Variants in RNF220 observed in about 807,000 individuals in gnomAD.
RNF220 encodes ring finger protein 220, also known as E3 ubiquitin-protein ligase RNF220.
In RNF220, 7 loss-of-function variants were observed where a neutral mutation model predicts 67.1. That is an observed-to-expected ratio of 0.10 (90% confidence interval 0.06 to 0.20). The LOEUF (loss-of-function observed/expected upper bound fraction) is 0.20, where lower values mean the gene tolerates loss of function less well. Ranked by LOEUF, RNF220 falls within the 10% of genes least tolerant of loss-of-function variation. The pLI is 1.00. For synonymous variants in RNF220, 270 were observed against 283.2 expected, an observed-to-expected ratio of 0.95 and a Z score of 0.47; for missense variants, 565 against 740.3, an observed-to-expected ratio of 0.76 and a Z score of 2.75.
In RNF220 at chr1:44,600,231, A is replaced by G. The variant is rs1666826973; in HGVS notation, c.626-13934A>G. On this transcript the variant is annotated intron_variant, in intron 2 of 14. Coordinates refer to ENST00000361799, the MANE Select transcript of RNF220 (RefSeq NM_018150.4). The surrounding 1 kb of genome is among the most constrained non-coding windows in gnomAD (Gnocchi z 4.0). ...CAGACATGTTGAGCTTAAAGAGCCTATGGGACATCCAAGCAGAGCATCTTC... is the reference window on the plus strand; with the variant it reads ...CAGACATGTTGAGCTTAAAGAGCCTGTGGGACATCCAAGCAGAGCATCTTC... 6.6e-6 allele frequency among the ~76,000 whole-genome samples: 1 copy of G among 152,220 alleles called. No individual in the cohort carries two copies. The highest frequency in any genetic ancestry group is 1.5e-5 in the Non-Finnish European group (1 of 68,036).
intron 2 of RNF220, among the ~76,000 whole-genome samples, chr1:44,497,541 G>A (rs954835374): frequency 3.9e-5 from 6 of 152,112 alleles, no homozygotes; most frequent in Non-Finnish European, 7.4e-5. Context: ...CCTTTCATCC[G>A]CCTGTGGGTG....
At chr1:44,532,820 T>A (rs1660932010) in intron 2 of RNF220, among the ~76,000 whole-genome samples, 1 of 152,152 alleles carries the variant, frequency 6.6e-6, no homozygotes, top group African/African-American at 2.4e-5. Context: ...CTCCTGCAAA[T>A]GGGAACAGCT....
At chr1:44,602,353 G>C (rs984607738) in intron 2 of RNF220, among the ~76,000 whole-genome samples, 6 of 152,128 alleles carry the variant, frequency 3.9e-5, no homozygotes, top group African/African-American at 7.2e-5. Context: ...GGCCTGAGGA[G>C]CATGGAGTTG....
intron 2 of RNF220, among the ~76,000 whole-genome samples, chr1:44,582,613 T>C (rs1276976891): frequency 6.7e-6 from 1 of 149,124 alleles, no homozygotes; most frequent in Admixed American, 6.7e-5. Flanking sequence ...AAAAATTAGC[T>C]GGGCGTGGTG....
chr1:44,578,144 C>CTTTTTT (rs749348924), intron 2 of RNF220, among the ~76,000 whole-genome samples: 20 of 117,152 alleles, frequency 1.7e-4, no homozygotes, highest in South Asian at 3.0e-4. Flanking sequence ...TCTTTCTTTC[C>CTTTTTT]TTTTTTTTTT....
chr1:44,532,986 C>T (rs1660943095), intron 2 of RNF220, among the ~76,000 whole-genome samples: 1 of 152,216 alleles, frequency 6.6e-6, no homozygotes. Context: ...GTCCCTGGAC[C>T]TGGTCAGTCC....
intron 2 of RNF220, among the ~76,000 whole-genome samples, chr1:44,443,898 C>T (rs1359748684): frequency 2.6e-5 from 4 of 152,178 alleles, no homozygotes; most frequent in Admixed American, 2.0e-4. Flanking sequence ...CGAGACCAGC[C>T]TGTCCAACAT....
At chr1:44,614,045 T>C (rs1643434836) in intron 2 of RNF220, 120 bp from the exon 3 acceptor site, 2 of 1,357,218 alleles carry the variant, frequency 1.5e-6, no homozygotes, top group Non-Finnish European at 2.0e-6. Flanking sequence ...CTCAGGCCCC[T>C]CCTCTAGGCC....
At chr1:44,614,099 G>A (rs1643437856) in intron 2 of RNF220, 66 bp from the exon 3 acceptor site, 2 of 1,599,458 alleles carry the variant, frequency 1.3e-6, no homozygotes, top group African/African-American at 1.3e-5. Flanking sequence ...TTCAGGACTG[G>A]GATGCTGGGT....
chr1:44,531,883 T>C (rs1298003624), intron 2 of RNF220, among the ~76,000 whole-genome samples: 2 of 152,224 alleles, frequency 1.3e-5, no homozygotes, highest in African/African-American at 4.8e-5. Flanking sequence ...GCTTTAACTT[T>C]CACCAACTGT....
intron 1 of RNF220, among the ~76,000 whole-genome samples, chr1:44,409,678 C>T (rs1647774053): frequency 6.6e-6 from 1 of 152,326 alleles, no homozygotes; most frequent in African/African-American, 2.4e-5. Context: ...TTCACAGTCA[C>T]CCAAATGCTC....
intron 2 of RNF220, among the ~76,000 whole-genome samples, chr1:44,423,195 G>A (rs985701297): frequency 1.3e-5 from 2 of 152,184 alleles, no homozygotes; most frequent in African/African-American, 2.4e-5. Context: ...TGACCTTTAC[G>A]CTGATATCTG....
At position 44,649,609 on chromosome 1, in the gene RNF220, G is replaced by A. The variant is rs2148519015; in HGVS notation, c.1446-52G>A. Reference sequence around the variant, plus strand: ...AATTCAAGGGAGGCGTAGGCTGGAGGTACAGATGAGAGATGCCAGCCTGCT... The same window carrying A: ...AATTCAAGGGAGGCGTAGGCTGGAGATACAGATGAGAGATGCCAGCCTGCT... On this transcript the variant is annotated intron_variant, in intron 12 of 14. Transcript: ENST00000361799. The surrounding 1 kb of genome is among the most constrained non-coding windows in gnomAD (Gnocchi z 5.9). The A allele has an allele frequency of 6.5e-7, 1 of 1,526,756 alleles. No individual in the cohort carries two copies. Among genetic ancestry groups the A allele is most frequent in the South Asian group, 1.1e-5 (1 of 89,172 alleles). 94.6% of individuals were successfully genotyped at this position (1,526,756 alleles called of 1,614,324 possible). A position where few individuals can be genotyped will look rare whatever the true frequency, so the allele number is the denominator to read the frequency against.
At chr1:44,610,654 C>T (rs1643255048) in intron 2 of RNF220, among the ~76,000 whole-genome samples, 1 of 152,204 alleles carries the variant, frequency 6.6e-6, no homozygotes, top group Non-Finnish European at 1.5e-5. Flanking sequence ...TGACAGCCTG[C>T]CTCTGGTGGG....
intron 12 of RNF220, among the ~76,000 whole-genome samples, chr1:44,647,578 G>C (rs942960061): frequency 6.6e-6 from 1 of 152,168 alleles, no homozygotes; most frequent in African/African-American, 2.4e-5. Flanking sequence ...TGGACCCTAG[G>C]GTGATGGATT....
rs112175148 is a variant in RNF220, at chr1:44,572,794, C to T, written c.626-41371C>T. Among the ~76,000 whole-genome samples, 398 of 152,238 alleles carry T rather than the reference C, an allele frequency of 2.6e-3. 1 individual carries two copies. The highest frequency in any genetic ancestry group is 9.1e-3 in the African/African-American group (380 of 41,548). On this transcript the variant is annotated intron_variant, in intron 2 of 14. Transcript: ENST00000361799. ...TTCAGGTCATGCTTGTGTCTCTTCTCTTCAATACCAAGTAACCTTTATTGT... is the reference window on the plus strand; with the variant it reads ...TTCAGGTCATGCTTGTGTCTCTTCTTTTCAATACCAAGTAACCTTTATTGT...
chr1:44,572,850 C>A (rs1015899504), intron 2 of RNF220, among the ~76,000 whole-genome samples: 1 of 152,160 alleles, frequency 6.6e-6, no homozygotes, highest in African/African-American at 2.4e-5. Context: ...TATAATTTTG[C>A]ACCATTACTC....
intron 3 of RNF220, among the ~76,000 whole-genome samples, chr1:44,620,758 ATATGT>A (rs1180459348): frequency 1.3e-5 from 2 of 151,958 alleles, no homozygotes; most frequent in African/African-American, 4.8e-5. Flanking sequence ...TGGGATATAC[ATATGT>A]TATGTGTGTT....
intron 2 of RNF220, among the ~76,000 whole-genome samples, chr1:44,599,099 C>G (rs1452671283): frequency 6.6e-6 from 1 of 152,120 alleles, no homozygotes; most frequent in Non-Finnish European, 1.5e-5. Context: ...CAGGATGAAT[C>G]AGAGAATCTC....
Sources: allele counts gnomAD v4.1 joint callset (sites outside exome capture counted in the v4.1 genomes callset), GRCh38; gene constraint gnomAD v4.1.1; non-coding constraint Gnocchi (gnomAD v3.1); transcripts MANE v1.5; gene names NCBI Gene and HGNC (gene_info 2026-07-23, HGNC 2026-07-21).